Variants in LRP2 observed in about 807,000 individuals in gnomAD.
The protein encoded by LRP2 is low-density lipoprotein receptor-related protein 2.
Under a neutral mutation model 531.0 loss-of-function variants are expected in LRP2, and 172 were observed. That is an observed-to-expected ratio of 0.32 (90% CI 0.29 to 0.37). The LOEUF (loss-of-function observed/expected upper bound fraction) is 0.37. Ranked by LOEUF, LRP2 falls within the 10% of genes least tolerant of loss-of-function variation. LRP2 has a pLI of 1.00. For missense variants in LRP2, 5,167 were observed against 5,868.3 expected, an observed-to-expected ratio of 0.88 and a Z score of 3.90; for synonymous variants, 1,992 against 2,027.6, an observed-to-expected ratio of 0.98 and a Z score of 0.47.
chr2:169,139,734 T>A, intron 72 of LRP2, 124 bp from the exon 73 acceptor site: 2 of 841,542 alleles, frequency 2.4e-6, no homozygotes. Context: ...ACAGACAATG[T>A]ATCCTGCATG....
chr2:169,333,493 G>A (rs1046038519), intron 1 of LRP2, among the ~76,000 whole-genome samples: 6 of 119,178 alleles, frequency 5.0e-5, no homozygotes, highest in Non-Finnish European at 8.2e-5. Flanking sequence ...AGGAAGGAAG[G>A]AAGGAACGAA....
chr2:169,344,130 A>G (rs1164481188), intron 1 of LRP2, among the ~76,000 whole-genome samples: 1 of 152,000 alleles, frequency 6.6e-6, no homozygotes, highest in Non-Finnish European at 1.5e-5. Context: ...TTTTTTTATT[A>G]TTATTATACT....
chr2:169,177,736 T>G, intron 53 of LRP2, 67 bp downstream of exon 53: 1 of 1,337,032 alleles, frequency 7.5e-7, no homozygotes, highest in Non-Finnish European at 1.1e-6. Context: ...AAGTTCATGC[T>G]TAAAGACAAT....
intron 10 of LRP2, among the ~76,000 whole-genome samples, chr2:169,282,450 C>T (rs1009600680): frequency 2.0e-5 from 3 of 152,152 alleles, no homozygotes; most frequent in Non-Finnish European, 2.9e-5. Flanking sequence ...TTTAGCATGT[C>T]CATTTGGAAA....
intron 1 of LRP2, among the ~76,000 whole-genome samples, chr2:169,337,239 A>G (rs541117561): frequency 1.3e-5 from 2 of 152,160 alleles, no homozygotes; most frequent in South Asian, 2.1e-4. Context: ...GAAGCCCTCC[A>G]AGGAATGAAT....
Position 169,212,039 on chromosome 2 carries a change from A to T in LRP2, c.6209T>A (p.Leu2070Gln). ...CAAGCTAAAGCCTCTGATTGCAGACAGCATTGAAACAACAATGAAAGAGTT... is the reference window on the plus strand; with the variant it reads ...CAAGCTAAAGCCTCTGATTGCAGACTGCATTGAAACAACAATGAAAGAGTT... ...PYNSFIVVSMLSAIRGFSLEL... is the reference protein window; with the variant it reads ...PYNSFIVVSMQSAIRGFSLEL... Residue 2070 changes from leucine to glutamine, a missense_variant, in exon 37 of 79, where the codon CTG (leucine) becomes CAG (glutamine). Around this residue, in one of 6 missense-constraint regions of LRP2, gnomAD observed 2,811 missense variants for 3,058.0 expected, o/e 0.92. Coordinates refer to ENST00000649046, the MANE Select transcript of LRP2 (RefSeq NM_004525.3). 6.2e-7 allele frequency: 1 copy of T among 1,614,058 alleles called. No homozygotes were observed. The highest frequency in any genetic ancestry group is 8.5e-7 in the Non-Finnish European group (1 of 1,179,922).
intron 3 of LRP2, among the ~76,000 whole-genome samples, chr2:169,312,149 T>G (rs974586541): frequency 1.3e-4 from 20 of 152,250 alleles, no homozygotes; most frequent in Admixed American, 5.2e-4. Context: ...GTCTTGACTC[T>G]TTATCCAATT....
At position 169,139,587 on chromosome 2, in the gene LRP2, T is replaced by G; in HGVS notation, c.13223A>C (p.Lys4408Thr). The change falls in exon 73 of 79, where the codon AAA (lysine) becomes ACA (threonine). Residue 4408 changes from lysine (K) to threonine (T), a missense_variant. Lys to Thr is a moderately conservative substitution (Grantham distance 78). This residue lies in a region of LRP2 where 348 missense variants were observed against 369.3 expected (regional missense o/e 0.94). Coordinates refer to ENST00000649046, the MANE Select transcript of LRP2 (RefSeq NM_004525.3). ...TTTTGAAAACGCCATTTCACAATAT[T>G]TTCCGGTGTAGCCGCTAGGACACCT... ...KCKCPSGYTG[K>T]YCEMAFSKGI... The G allele has an allele frequency of 6.2e-7, 1 of 1,614,232 alleles. No individual in the cohort carries two copies. The highest frequency in any genetic ancestry group is 8.5e-7 in the Non-Finnish European group (1 of 1,180,026).
chr2:169,270,228 A>C lies in LRP2; in HGVS notation c.2320+676T>G, dbSNP rs535878417. ...CCTCAGGGATCTAGAACTAGAAATA[A>C]CATTTGACCCAGCCATCCCATTACT... On this transcript the variant is annotated intron_variant, in intron 16 of 78. Transcript: ENST00000649046. 2.5e-3 allele frequency among the ~76,000 whole-genome samples: 378 copies of C among 152,210 alleles called. 3 individuals are homozygous for C. Among genetic ancestry groups the C allele is most frequent in the African/African-American group, 8.5e-3 (355 of 41,552 alleles).
In LRP2 at chr2:169,356,045, C is replaced by T. The variant is rs545548439; in HGVS notation, c.79+6276G>A. 3.3e-5 allele frequency among the ~76,000 whole-genome samples: 5 copies of T among 152,206 alleles called. No individual in the cohort carries two copies. In the South Asian group the frequency reaches 1.0e-3, roughly 32 times the overall value. On this transcript the variant is annotated intron_variant, in intron 1 of 78. Transcript: ENST00000649046. ...AGCTGGGACCACAAGGGCACACCAC[C>T]ATTCCTGGCTAATTTTTTGTATTTT...
intron 13 of LRP2, among the ~76,000 whole-genome samples, chr2:169,276,651 C>A (rs1437420677): frequency 1.3e-5 from 2 of 151,892 alleles, no homozygotes; most frequent in Admixed American, 6.6e-5. Flanking sequence ...ATTATCCTTA[C>A]AAAATGGAAA....
At chr2:169,158,747 A>G (rs1241910503) in intron 63 of LRP2, among the ~76,000 whole-genome samples, 2 of 151,906 alleles carry the variant, frequency 1.3e-5, no homozygotes, top group African/African-American at 2.4e-5. Flanking sequence ...CATATGCAAA[A>G]AAAAGATAGC....
chr2:169,285,078 G>A (rs1215133090), intron 9 of LRP2, among the ~76,000 whole-genome samples: 1 of 151,934 alleles, frequency 6.6e-6, no homozygotes, highest in East Asian at 1.9e-4. Context: ...GGAGGGTAAG[G>A]TGGGAGGATT....
At chr2:169,202,654 G>C in intron 43 of LRP2, 102 bp downstream of exon 43, 1 of 1,204,590 alleles carries the variant, frequency 8.3e-7, no homozygotes, top group Non-Finnish European at 1.2e-6. Flanking sequence ...GGATGCCTAG[G>C]CACACATTTC....
At chr2:169,134,786 T>C (rs1685433942) in intron 76 of LRP2, among the ~76,000 whole-genome samples, 1 of 152,322 alleles carries the variant, frequency 6.6e-6, no homozygotes, top group East Asian at 1.9e-4. Context: ...CCTCTATCAT[T>C]AATGCGTCTT....
At chr2:169,354,002 T>C (rs775968766) in intron 1 of LRP2, among the ~76,000 whole-genome samples, 4 of 150,328 alleles carry the variant, frequency 2.7e-5, no homozygotes, top group Non-Finnish European at 6.0e-5. Flanking sequence ...AGTAAGACCT[T>C]GTCTCAAAAA....
rs1309258153 is a variant in LRP2, at chr2:169,146,941, G to T, written c.12609C>A (p.Asp4203Glu). ...ACTCGATTTTAGGTTCCTTTCCCCA[G>T]TCAGTCCAGAACATAAGCCTATAAC... ...NPKLGLMFWT[D>E]WGKEPKIESA... The change falls in exon 69 of 79, where the codon GAC (aspartate) becomes GAA (glutamate). Residue 4203 changes from aspartate (D) to glutamate (E), a missense_variant. Asp to Glu is a conservative substitution (Grantham distance 45, BLOSUM62 2). This residue lies in a region of LRP2 where 564 missense variants were observed against 747.7 expected (regional missense o/e 0.75). Transcript: ENST00000649046. 2 of 1,612,950 alleles carry T rather than the reference G, an allele frequency of 1.2e-6. No individual in the cohort carries two copies. Among genetic ancestry groups the T allele is most frequent in the Non-Finnish European group, 1.7e-6 (2 of 1,179,386 alleles).
At chr2:169,327,293 G>A (rs1162871990) in intron 1 of LRP2, among the ~76,000 whole-genome samples, 6 of 95,422 alleles carry the variant, frequency 6.3e-5, no homozygotes, top group East Asian at 3.2e-4. Flanking sequence ...CCGGCCAGCC[G>A]CCCCGTCTGG....
intron 37 of LRP2, 136 bp from the exon 38 acceptor site, chr2:169,209,777 TC>T: frequency 1.1e-6 from 1 of 869,794 alleles, no homozygotes; most frequent in Middle Eastern, 3.2e-4. Context: ...AACCCTTTTT[TC>T]CCAGTTGCAG....
Sources: gnomAD v4.1 joint callset for allele counts (sites outside exome capture counted in the v4.1 genomes callset) on GRCh38, gnomAD v4.1.1 for gene constraint, gnomAD v4.1.1 regional missense constraint, MANE v1.5 for transcripts, NCBI Gene and HGNC (gene_info 2026-07-23, HGNC 2026-07-21) for gene names.